Variants in LOC128092252 observed in about 807,000 individuals in gnomAD.
the LOC128092252 span, among the ~76,000 whole-genome samples, chr15:50,668,510 GTT>G: frequency 6.6e-6 from 1 of 151,896 alleles, no homozygotes; most frequent in African/African-American, 2.4e-5. Context: ...ATTTGTTTTT[GTT>G]TTTTGTTTTT....
the LOC128092252 span, among the ~76,000 whole-genome samples, chr15:50,649,205 A>G: frequency 8.3e-4 from 126 of 152,254 alleles, 1 homozygote; most frequent in African/African-American, 2.9e-3. Context: ...GTGGGAGGCC[A>G]TGGCTGGAGG....
chr15:50,678,622 T>C, the LOC128092252 span, among the ~76,000 whole-genome samples: 6 of 150,664 alleles, frequency 4.0e-5, no homozygotes, highest in Non-Finnish European at 8.9e-5. Flanking sequence ...ACTACTCAAC[T>C]AATTAATAAT....
At chr15:50,677,793 A>T in the LOC128092252 span, among the ~76,000 whole-genome samples, 1 of 151,676 alleles carries the variant, frequency 6.6e-6, no homozygotes. Context: ...ACTAAGTAAC[A>T]ATCCCAATGT....
At chr15:50,655,808 G>A in the LOC128092252 span, among the ~76,000 whole-genome samples, 1 of 152,014 alleles carries the variant, frequency 6.6e-6, no homozygotes, top group Non-Finnish European at 1.5e-5. Context: ...CAGCCACCAT[G>A]GTGAAACCCC....
At chr15:50,668,198 C>A in the LOC128092252 span, among the ~76,000 whole-genome samples, 2 of 152,114 alleles carry the variant, frequency 1.3e-5, no homozygotes, top group Non-Finnish European at 2.9e-5. Context: ...TTTGGAGACT[C>A]TAACATTAGA....
At chr15:50,681,160 A>G in the LOC128092252 span, among the ~76,000 whole-genome samples, 20,951 of 151,994 alleles carry the variant, frequency 0.14, 1,475 homozygotes, top group Middle Eastern at 0.2. Context: ...CTGAGGCAGG[A>G]GAATCACTTG....
At chr15:50,671,227 C>A in the LOC128092252 span, among the ~76,000 whole-genome samples, 6 of 152,140 alleles carry the variant, frequency 3.9e-5, no homozygotes, top group East Asian at 1.2e-3. Flanking sequence ...TCCCTGATAA[C>A]CACCATTCTA....
the LOC128092252 span, among the ~76,000 whole-genome samples, chr15:50,663,277 T>C: frequency 2.6e-5 from 4 of 152,110 alleles, no homozygotes; most frequent in Non-Finnish European, 4.4e-5. Flanking sequence ...TACAGGCATG[T>C]GCCACTACGA....
At chr15:50,686,400 A>C in the LOC128092252 span, 21 of 1,479,542 alleles carry the variant, frequency 1.4e-5, no homozygotes, top group Non-Finnish European at 2.0e-5. Flanking sequence ...ACAAATCCGG[A>C]AGCCTCAAGG....
the LOC128092252 span, among the ~76,000 whole-genome samples, chr15:50,675,879 G>A: frequency 6.6e-6 from 1 of 152,156 alleles, no homozygotes; most frequent in African/African-American, 2.4e-5. Context: ...TACAGATTCT[G>A]GAATCAGACT....
chr15:50,679,519 T>TATATATATATATATA, the LOC128092252 span, among the ~76,000 whole-genome samples: 1 of 18,058 alleles, frequency 5.5e-5, no homozygotes, highest in Admixed American at 8.6e-4. Context: ...ATAATATATA[T>TATATATATATATATA]ATATATATAT....
chr15:50,679,514 ATATAT>A, the LOC128092252 span, among the ~76,000 whole-genome samples: 69 of 89,480 alleles, frequency 7.7e-4, no homozygotes, highest in Non-Finnish European at 9.3e-4. Context: ...TATATATAAT[ATATAT>A]ATATATATAT....
chr15:50,678,518 ATAT>A, the LOC128092252 span, among the ~76,000 whole-genome samples: 358 of 118,392 alleles, frequency 3.0e-3, 1 homozygote, highest in Middle Eastern at 0.013. Context: ...AAAAAAAAAA[ATAT>A]ATATATATAT....
the LOC128092252 span, among the ~76,000 whole-genome samples, chr15:50,655,556 C>T: frequency 1.3e-5 from 2 of 151,476 alleles, no homozygotes; most frequent in African/African-American, 2.4e-5. Flanking sequence ...TATAGACATG[C>T]TGCTGAAAAC....
At chr15:50,659,192 C>CA in the LOC128092252 span, among the ~76,000 whole-genome samples, 18,928 of 98,844 alleles carry the variant, frequency 0.19, 1,509 homozygotes, top group African/African-American at 0.3. Flanking sequence ...GACTCCGTCT[C>CA]AAAAAAAAAA....
chr15:50,671,766 C>T, the LOC128092252 span, among the ~76,000 whole-genome samples: 2 of 151,860 alleles, frequency 1.3e-5, no homozygotes, highest in Non-Finnish European at 2.9e-5. Context: ...GCTATGATCA[C>T]GCCACTACAC....
chr15:50,682,173 CAAA>C, the LOC128092252 span, among the ~76,000 whole-genome samples: 29 of 63,678 alleles, frequency 4.6e-4, 1 homozygote, highest in Admixed American at 5.1e-3. Context: ...AACTCAGTCT[CAAA>C]AAAAAAAAAA....
the LOC128092252 span, among the ~76,000 whole-genome samples, chr15:50,675,191 A>C: frequency 6.6e-6 from 1 of 152,096 alleles, no homozygotes; most frequent in Admixed American, 6.6e-5. Flanking sequence ...AAAAATATAA[A>C]AATTAGCTGG....
At chr15:50,677,118 A>G in the LOC128092252 span, among the ~76,000 whole-genome samples, 1 of 152,158 alleles carries the variant, frequency 6.6e-6, no homozygotes, top group Non-Finnish European at 1.5e-5. Context: ...CTGGAGACTG[A>G]AAGTTCAGGA....
Sources: allele counts gnomAD v4.1 joint callset (sites outside exome capture counted in the v4.1 genomes callset), GRCh38; gene constraint gnomAD v4.1.1; transcripts MANE v1.5.